NHSL2: variants seen among roughly 807,000 people sequenced by gnomAD.
NHSL2 encodes NHS like 2, also known as NHS-like protein 2.
A neutral mutation model predicts 53.4 loss-of-function variants in NHSL2; 27 were observed. That is an observed-to-expected ratio of 0.51 (90% CI 0.37 to 0.70). The LOEUF (loss-of-function observed/expected upper bound fraction) is 0.70. NHSL2 is among the 30% of genes least tolerant of loss of function. The pLI, the probability that NHSL2 is intolerant of heterozygous loss-of-function variation, is 0.00. For missense variants in NHSL2, 892 were observed against 980.1 expected, an observed-to-expected ratio of 0.91 and a Z score of 1.20; for synonymous variants, 408 against 404.1, an observed-to-expected ratio of 1.01 and a Z score of -0.12.
chrX:71,937,170 A>C (rs770183196), intron 1 of NHSL2, among the ~76,000 whole-genome samples: 2 of 112,156 alleles, frequency 1.8e-5, no homozygotes, highest in South Asian at 7.5e-4. Context: ...TCAAGAACAC[A>C]TAGTACCTTT....
At chrX:72,115,704 C>T (rs1167400951) in intron 1 of NHSL2, among the ~76,000 whole-genome samples, 1 of 110,407 alleles carries the variant, frequency 9.1e-6, no homozygotes, top group Non-Finnish European at 1.9e-5. Context: ...GATGTCCTGC[C>T]ATTGTGGGGG....
In NHSL2 at chrX:72,140,165, G is replaced by A. The variant is rs748854290; in HGVS notation, c.2617G>A (p.Glu873Lys). Residue 873 changes from glutamate (E) to lysine (K), a missense_variant, in exon 6 of 8, where the codon GAG (glutamate) becomes AAG (lysine). Glu to Lys is a moderately conservative substitution (Grantham distance 56, BLOSUM62 1). Coordinates refer to ENST00000633930, the MANE Select transcript of NHSL2 (RefSeq NM_001013627.3). ...GAGAAAGACAAAACCTCCCGTAGCT[G>A]AGAAGCCTCCGGTGGCCCGGAGGCC... ...PERKTKPPVAEKPPVARRPPS... is the reference protein window; with the variant it reads ...PERKTKPPVAKKPPVARRPPS... 9 of 1,209,190 alleles carry A rather than the reference G, an allele frequency of 7.4e-6. No individual in the cohort carries two copies. The highest frequency in any genetic ancestry group is 3.5e-5 in the African/African-American group (2 of 56,963).
intron 1 of NHSL2, among the ~76,000 whole-genome samples, chrX:71,945,036 TCAGAAGA>T (rs2041785985): frequency 8.9e-6 from 1 of 112,068 alleles, no homozygotes; most frequent in Non-Finnish European, 1.9e-5. Context: ...TTGAAAAAGA[TCAGAAGA>T]CAGTTGTCCA....
chrX:72,000,586 T>C (rs977294226), intron 1 of NHSL2, among the ~76,000 whole-genome samples: 4 of 112,102 alleles, frequency 3.6e-5, no homozygotes, highest in Admixed American at 1.9e-4. Context: ...TTCTTAGGAC[T>C]CTACGGGACA....
chrX:72,121,328 A>G (rs2042179647), intron 1 of NHSL2, among the ~76,000 whole-genome samples: 1 of 111,857 alleles, frequency 8.9e-6, no homozygotes, highest in Admixed American at 9.5e-5. Flanking sequence ...GGAAACATTC[A>G]TTAGTTCTGA....
chrX:72,063,237 C>T (rs1231416241), intron 1 of NHSL2, among the ~76,000 whole-genome samples: 1 of 112,154 alleles, frequency 8.9e-6, no homozygotes, highest in Non-Finnish European at 1.9e-5. Flanking sequence ...CCTGCCTCCC[C>T]CAAACTCACT....
chrX:72,095,687 C>T (rs1316043166), intron 1 of NHSL2, among the ~76,000 whole-genome samples: 3 of 111,677 alleles, frequency 2.7e-5, no homozygotes, highest in African/African-American at 9.8e-5. Flanking sequence ...GCCCTCCACA[C>T]TCCCGTAGCT....
chrX:72,066,972 A>G (rs1051757786), intron 1 of NHSL2, among the ~76,000 whole-genome samples: 4 of 110,950 alleles, frequency 3.6e-5, no homozygotes, highest in Non-Finnish European at 7.6e-5. Context: ...TCTACAAAAA[A>G]TAAATAAATA....
At chrX:72,064,993 C>A (rs2042419604) in intron 1 of NHSL2, among the ~76,000 whole-genome samples, 2 of 112,110 alleles carry the variant, frequency 1.8e-5, no homozygotes, top group Admixed American at 1.9e-4. Flanking sequence ...CCTTTCCAGA[C>A]CCTCTCCATA....
intron 1 of NHSL2, among the ~76,000 whole-genome samples, chrX:71,974,737 C>A (rs2041940925): frequency 8.9e-6 from 1 of 112,020 alleles, no homozygotes; most frequent in Non-Finnish European, 1.9e-5. Context: ...GTGATCCCTT[C>A]CATGCTGACT....
At chrX:72,074,676 A>G (rs2041726517) in intron 1 of NHSL2, among the ~76,000 whole-genome samples, 1 of 112,995 alleles carries the variant, frequency 8.8e-6, no homozygotes, top group African/African-American at 3.2e-5. Flanking sequence ...AAGATGTTGC[A>G]TCCAACTTCA....
rs992971707 is a variant in NHSL2, at chrX:71,982,529, A to T, written c.280+71162A>T. ...GACTGGTCACTGGAAAGACCAAGGC[A>T]TGAATAGAGGGTTGGGACTTTCAGC... On this transcript the variant is annotated intron_variant, in intron 1 of 7. Coordinates refer to ENST00000633930, the MANE Select transcript of NHSL2 (RefSeq NM_001013627.3). Among the ~76,000 whole-genome samples the T allele has an allele frequency of 4.5e-5, 5 of 112,249 alleles. No individual in the cohort carries two copies. In the Admixed American group the frequency reaches 4.7e-4, roughly 11 times the overall value.
At chrX:72,016,583 C>CTT (rs1380048749) in intron 1 of NHSL2, among the ~76,000 whole-genome samples, 4 of 111,165 alleles carry the variant, frequency 3.6e-5, no homozygotes, top group Non-Finnish European at 7.5e-5. Context: ...CTCCACACAA[C>CTT]TTTTTCTCCT....
rs1309160348 is a variant in NHSL2 at position 72,098,981 on chromosome X, A to AT, written c.281-33091dup. The stretch of plus-strand genomic sequence containing the variant: ...ATACATACTGGCCCATTCCTTGCCC[A>AT]TTTTTTTCAACTTACCAATAACTCT... On this transcript the variant is annotated intron_variant, in intron 1 of 7. Transcript: ENST00000633930. Among the ~76,000 whole-genome samples, 4 of 111,626 alleles carry AT rather than the reference A, an allele frequency of 3.6e-5. No homozygotes were observed. The East Asian group carries it at 1.1e-3, about 31-fold the overall frequency.
At chrX:72,083,119 C>A (rs958149898) in intron 1 of NHSL2, among the ~76,000 whole-genome samples, 1 of 111,728 alleles carries the variant, frequency 9.0e-6, no homozygotes, top group Admixed American at 9.4e-5. Context: ...TTCCCAGGGT[C>A]CCCCTCTCTC....
intron 1 of NHSL2, among the ~76,000 whole-genome samples, chrX:71,919,446 C>G (rs1325287705): frequency 1.8e-5 from 2 of 112,366 alleles, no homozygotes; most frequent in Non-Finnish European, 3.8e-5. Context: ...TTCCACGAAG[C>G]TTGCTGAAAT....
intron 1 of NHSL2, among the ~76,000 whole-genome samples, chrX:72,003,833 G>C (rs773008397): frequency 9.0e-6 from 1 of 111,438 alleles, no homozygotes; most frequent in East Asian, 2.8e-4. Context: ...CTTGAGTTAG[G>C]AGAGGAAGAG....
chrX:72,008,324 A>G (rs1336189455), intron 1 of NHSL2, among the ~76,000 whole-genome samples: 1 of 112,516 alleles, frequency 8.9e-6, no homozygotes, highest in Non-Finnish European at 1.9e-5. Flanking sequence ...AGGTATGGAC[A>G]GGACAGGCTG....
chrX:71,978,349 C>A (rs1299596027), intron 1 of NHSL2, among the ~76,000 whole-genome samples: 2 of 112,134 alleles, frequency 1.8e-5, no homozygotes, highest in Non-Finnish European at 3.8e-5. Context: ...ACCTGCCAAC[C>A]CCTGCCCTTG....
Sources: allele counts gnomAD v4.1 joint callset (sites outside exome capture counted in the v4.1 genomes callset), GRCh38; gene constraint gnomAD v4.1.1; transcripts MANE v1.5; gene names NCBI Gene and HGNC (gene_info 2026-07-23, HGNC 2026-07-21).